The following ACTL6A variants were observed in gnomAD, a reference collection of about 807,000 sequenced individuals.
The protein encoded by ACTL6A is actin like 6A.
ACTL6A carries 5 observed loss-of-function variants against 59.2 expected under a neutral mutation model. That is an observed-to-expected ratio of 0.08 (90% CI 0.04 to 0.18). The LOEUF (loss-of-function observed/expected upper bound fraction) is 0.18. Among genes scored for constraint, ACTL6A ranks in the 10% least tolerant of loss-of-function variants. The probability of loss-of-function intolerance (pLI) is 1.00; values close to 1 mark genes in which losing one functional copy is unlikely to be tolerated. For synonymous variants in ACTL6A, 154 were observed against 171.8 expected (o/e 0.90, Z 0.81); for missense variants, 285 against 526.9 (o/e 0.54, Z 4.49).
Position 179,576,131 on chromosome 3 carries a change from T to G in ACTL6A, c.477-86T>G, listed in dbSNP as rs1250572454. The stretch of plus-strand genomic sequence containing the variant: ...TAAGGTACATGTTTAAGAAATAGTT[T>G]CTGAAACATTATAAGAGCCTGCCCT... On this transcript the variant is annotated intron_variant, in intron 5 of 13. Coordinates refer to ENST00000429709, the MANE Select transcript of ACTL6A (RefSeq NM_004301.5). 3.2e-6 allele frequency: 3 copies of G among 931,042 alleles called. No individual in the cohort carries two copies. In the African/African-American group the frequency reaches 5.0e-5, roughly 15 times the overall value. The allele number at this position is 931,042 out of a possible 1,614,324, so 57.7% of individuals were successfully genotyped here. A position where few individuals can be genotyped will look rare whatever the true frequency, so the allele number is the denominator to read the frequency against.
At chr3:179,566,840 C>T (rs1014623609) in intron 1 of ACTL6A, among the ~76,000 whole-genome samples, 3 of 152,078 alleles carry the variant, frequency 2.0e-5, no homozygotes, top group Non-Finnish European at 2.9e-5. Context: ...CAGGTGCATA[C>T]GGCCACGCCC....
chr3:179,577,273 T>A (rs1415887231), intron 8 of ACTL6A, among the ~76,000 whole-genome samples: 3 of 152,098 alleles, frequency 2.0e-5, no homozygotes, highest in Non-Finnish European at 2.9e-5. Flanking sequence ...AGAAAATGGT[T>A]TTAGGTTTTG....
intron 4 of ACTL6A, 123 bp from the exon 5 acceptor site, chr3:179,574,247 C>A: frequency 2.1e-6 from 1 of 484,542 alleles, no homozygotes; most frequent in Non-Finnish European, 3.7e-6. Flanking sequence ...GATGATTTCC[C>A]ATGGTATTTT....
chr3:179,583,485 C>T, intron 12 of ACTL6A, 37 bp downstream of exon 12: 1 of 1,499,730 alleles, frequency 6.7e-7, no homozygotes, highest in Middle Eastern at 1.7e-4. Flanking sequence ...ATTCTTCAGT[C>T]ATATATTTCC....
At chr3:179,573,872 G>A (rs552269921) in intron 4 of ACTL6A, among the ~76,000 whole-genome samples, 115 of 152,194 alleles carry the variant, frequency 7.6e-4, no homozygotes, top group African/African-American at 2.5e-3. Flanking sequence ...GGAAATTTCT[G>A]GACCAAAGTC....
At chr3:179,568,246 G>GTTTGA (rs1410453563) in intron 1 of ACTL6A, among the ~76,000 whole-genome samples, 1 of 151,548 alleles carries the variant, frequency 6.6e-6, no homozygotes, top group African/African-American at 2.4e-5. Flanking sequence ...AAAGTAATGG[G>GTTTGA]TTTGATTTTA....
rs534709794 is a variant in ACTL6A at position 179,569,858 on chromosome 3, C to T, written c.60C>T (p.Ser20=). 4 of 1,614,064 alleles carry T rather than the reference C, an allele frequency of 2.5e-6. No homozygotes were observed. Among genetic ancestry groups the T allele is most frequent in the South Asian group, 1.1e-5 (1 of 91,078 alleles). ...EVGALVFDIG[S]YTVRAGYAGE... ...GAGCCCTTGTTTTTGACATTGGATC[C>T]TATACTGTGAGAGCTGGTTATGCTG... Residue 20 remains serine (S), a synonymous_variant, in exon 2 of 14, where the codon TCC becomes TCT. Transcript: ENST00000429709.
chr3:179,563,768 A>G (rs1717745840), intron 1 of ACTL6A, among the ~76,000 whole-genome samples: 1 of 152,062 alleles, frequency 6.6e-6, no homozygotes, highest in Non-Finnish European at 1.5e-5. Context: ...TCAATTCAGG[A>G]GCACGTGTAA....
intron 12 of ACTL6A, among the ~76,000 whole-genome samples, chr3:179,585,397 G>A (rs890484787): frequency 1.3e-5 from 2 of 152,038 alleles, no homozygotes; most frequent in South Asian, 2.1e-4. Context: ...CCACTGCACC[G>A]GTCTATAATA....
chr3:179,585,612 T>A (rs1560015298), intron 12 of ACTL6A, among the ~76,000 whole-genome samples: 1 of 152,180 alleles, frequency 6.6e-6, no homozygotes, highest in African/African-American at 2.4e-5. Context: ...CAGTACCTTC[T>A]ACCCACCCAT....
chr3:179,572,239 GA>G (rs1310365667), intron 3 of ACTL6A, among the ~76,000 whole-genome samples: 1 of 151,342 alleles, frequency 6.6e-6, no homozygotes, highest in Non-Finnish European at 1.5e-5. Context: ...AGGGATGTAG[GA>G]AAAAAAGCAG....
At chr3:179,580,339 C>G (rs1718300617) in intron 8 of ACTL6A, among the ~76,000 whole-genome samples, 1 of 152,162 alleles carries the variant, frequency 6.6e-6, no homozygotes, top group Non-Finnish European at 1.5e-5. Flanking sequence ...AAGTGGTGTT[C>G]TGAAATTGGT....
intron 12 of ACTL6A, among the ~76,000 whole-genome samples, chr3:179,584,074 AAAC>A (rs1479538633): frequency 6.6e-6 from 1 of 152,216 alleles, no homozygotes; most frequent in Non-Finnish European, 1.5e-5. Context: ...TAGTGGCTTC[AAAC>A]AACAGAAATT....
At chr3:179,581,066 G>A (rs1718325306) in intron 10 of ACTL6A, 58 bp downstream of exon 10, 2 of 1,600,444 alleles carry the variant, frequency 1.2e-6, no homozygotes, top group Admixed American at 3.3e-5. Context: ...AAGAGCTTTT[G>A]TGGCTAAAAT....
chr3:179,578,344 C>G (rs993067655), intron 8 of ACTL6A, among the ~76,000 whole-genome samples: 1 of 152,142 alleles, frequency 6.6e-6, no homozygotes, highest in Non-Finnish European at 1.5e-5. Flanking sequence ...ATCCCAGCTA[C>G]TTGGGAGGCT....
intron 8 of ACTL6A, among the ~76,000 whole-genome samples, chr3:179,579,973 A>C (rs1041884168): frequency 6.6e-6 from 1 of 151,936 alleles, no homozygotes; most frequent in African/African-American, 2.4e-5. Context: ...GTGTCTCGCT[A>C]TGTTGCCCAG....
Position 179,586,467 on chromosome 3 carries a change from GAAAAAAAAAAA to G in ACTL6A, c.1123-70_1123-60del. On this transcript the variant is annotated intron_variant, in intron 12 of 13. Coordinates refer to ENST00000429709, the MANE Select transcript of ACTL6A (RefSeq NM_004301.5). ...GGCGAGGAAGACCCTGTCTCTATTT[GAAAAAAAAAAA>G]AAAAAAAAGAATTTTCTAAGTTGAG... is the stretch of plus-strand genomic sequence containing the variant. 4 of 749,444 alleles carry G rather than the reference GAAAAAAAAAAA, an allele frequency of 5.3e-6. No individual in the cohort carries two copies. In the South Asian group the frequency reaches 9.4e-5, roughly 18 times the overall value. 46.4% of individuals were successfully genotyped at this position (749,444 alleles called of 1,614,324 possible).
In ACTL6A at chr3:179,565,960, T is replaced by G. The variant is rs145504850; in HGVS notation, c.25+2843T>G. Among the ~76,000 whole-genome samples, 467 of 152,192 alleles carry G rather than the reference T, an allele frequency of 3.1e-3. 3 individuals carry two copies. Among genetic ancestry groups the G allele is most frequent in the African/African-American group, 0.011 (450 of 41,510 alleles). On this transcript the variant is annotated intron_variant, in intron 1 of 13. Transcript: ENST00000429709. ...GGGAATTGTAGTTTCCCGGTTGAGA[T>G]AAGAGCTCGATTGAAGGCAGTGGCA...
At chr3:179,563,209 TTCCGGTCTCCC>T in intron 1 of ACTL6A, 92 bp downstream of exon 1, 1 of 1,414,272 alleles carries the variant, frequency 7.1e-7, no homozygotes, top group South Asian at 1.3e-5. Flanking sequence ...CGGCGTTCCC[TTCCGGTCTCCC>T]CCTCTCGGGA....
Sources: allele counts gnomAD v4.1 joint callset (sites outside exome capture counted in the v4.1 genomes callset), GRCh38; gene constraint gnomAD v4.1.1; transcripts MANE v1.5; gene names NCBI Gene and HGNC (gene_info 2026-07-23, HGNC 2026-07-21).